C7orf78: variants seen among roughly 807,000 people sequenced by gnomAD.
The protein encoded by C7orf78 is chromosome 7 open reading frame 78, also known as putative uncharacterized protein C7orf78.
the C7orf78 span, among the ~76,000 whole-genome samples, chr7:12,503,203 T>C: frequency 7.2e-6 from 1 of 137,978 alleles, no homozygotes; most frequent in Non-Finnish European, 1.6e-5. Context: ...CTGCACAATG[T>C]GCACATGTAC....
the C7orf78 span, among the ~76,000 whole-genome samples, chr7:12,501,463 A>G: frequency 6.6e-6 from 1 of 152,250 alleles, no homozygotes; most frequent in East Asian, 1.9e-4. Context: ...CTAAATCATG[A>G]GTGGAATCCC....
the C7orf78 span, among the ~76,000 whole-genome samples, chr7:12,512,865 G>A: frequency 6.6e-5 from 10 of 152,046 alleles, no homozygotes; most frequent in Non-Finnish European, 1.5e-4. Context: ...TTATTAGTCT[G>A]TTCAGGTTTT....
At chr7:12,484,852 ATT>A in the C7orf78 span, among the ~76,000 whole-genome samples, 6 of 151,168 alleles carry the variant, frequency 4.0e-5, no homozygotes, top group South Asian at 2.1e-4. Context: ...AGTTGCAATA[ATT>A]TTTTTTTTAA....
chr7:12,523,981 T>C, the C7orf78 span, among the ~76,000 whole-genome samples: 10 of 152,212 alleles, frequency 6.6e-5, no homozygotes, highest in Non-Finnish European at 1.5e-5. Context: ...AATGTGAATA[T>C]ATTCTGTTCT....
At chr7:12,509,097 C>G in the C7orf78 span, among the ~76,000 whole-genome samples, 3 of 152,202 alleles carry the variant, frequency 2.0e-5, no homozygotes, top group Admixed American at 1.3e-4. Flanking sequence ...CACGAGATCA[C>G]TCACTGGTGC....
the C7orf78 span, among the ~76,000 whole-genome samples, chr7:12,485,143 A>G: frequency 1.4e-3 from 110 of 80,130 alleles, no homozygotes; most frequent in African/African-American, 5.1e-3. Flanking sequence ...TTCAGTAGAC[A>G]TTATGCTATC....
chr7:12,511,466 G>C, the C7orf78 span, among the ~76,000 whole-genome samples: 1 of 152,270 alleles, frequency 6.6e-6, no homozygotes, highest in East Asian at 1.9e-4. Flanking sequence ...GCTTTGGCTA[G>C]TGTGGTCATT....
At chr7:12,530,311 G>C in the C7orf78 span, 1 of 152,176 alleles carries the variant, frequency 6.6e-6, no homozygotes. Context: ...CTGCAAAAGA[G>C]AGACAGCTTT....
the C7orf78 span, chr7:12,530,481 C>G: frequency 1.3e-5 from 2 of 152,076 alleles, no homozygotes; most frequent in African/African-American, 4.8e-5. Flanking sequence ...GTCTTAAGAT[C>G]TCTGTTTTAA....
At chr7:12,495,921 CA>C in the C7orf78 span, among the ~76,000 whole-genome samples, 267 of 150,476 alleles carry the variant, frequency 1.8e-3, 1 homozygote, top group African/African-American at 5.8e-3. Context: ...CTGAGAAACT[CA>C]AAAAAAATTT....
At chr7:12,487,272 G>A in the C7orf78 span, among the ~76,000 whole-genome samples, 1 of 151,926 alleles carries the variant, frequency 6.6e-6, no homozygotes, top group African/African-American at 2.4e-5. Flanking sequence ...TAGAAACTTG[G>A]GAAGAGAAGT....
the C7orf78 span, among the ~76,000 whole-genome samples, chr7:12,504,049 G>A: frequency 6.6e-6 from 1 of 152,168 alleles, no homozygotes; most frequent in African/African-American, 2.4e-5. Flanking sequence ...GTCCTTTGAA[G>A]AAATTAAGTC....
At chr7:12,523,047 A>G in the C7orf78 span, 1 of 398,404 alleles carries the variant, frequency 2.5e-6, no homozygotes. Context: ...GATATTGCAA[A>G]GAGGCTGCAA....
chr7:12,509,116 T>C, the C7orf78 span, among the ~76,000 whole-genome samples: 3 of 152,192 alleles, frequency 2.0e-5, no homozygotes, highest in African/African-American at 7.2e-5. Context: ...GCCAAAAAGA[T>C]TGGGGACTGC....
At chr7:12,532,271 C>T in the C7orf78 span, among the ~76,000 whole-genome samples, 242 of 152,138 alleles carry the variant, frequency 1.6e-3, 1 homozygote, top group South Asian at 0.011. Context: ...AAAACCTGGC[C>T]GGGCATGGTG....
chr7:12,497,972 A>G, the C7orf78 span, among the ~76,000 whole-genome samples: 2 of 152,066 alleles, frequency 1.3e-5, no homozygotes, highest in African/African-American at 4.8e-5. Flanking sequence ...CAGCAGGGGC[A>G]CACTGACACC....
the C7orf78 span, among the ~76,000 whole-genome samples, chr7:12,514,549 A>T: frequency 6.6e-6 from 1 of 151,888 alleles, no homozygotes; most frequent in African/African-American, 2.4e-5. Flanking sequence ...CAAGGTTATT[A>T]TTGATTTTTG....
the C7orf78 span, among the ~76,000 whole-genome samples, chr7:12,488,915 T>G: frequency 7.0e-6 from 1 of 142,772 alleles, no homozygotes; most frequent in Non-Finnish European, 1.6e-5. Flanking sequence ...TTTGATTGGT[T>G]TTTTTTTTTT....
At chr7:12,519,256 T>G in the C7orf78 span, among the ~76,000 whole-genome samples, 19 of 152,182 alleles carry the variant, frequency 1.2e-4, no homozygotes, top group African/African-American at 4.3e-4. Context: ...CCTCTGTGAG[T>G]GAGCTTTAAC....
Sources: gnomAD v4.1 joint callset for allele counts (sites outside exome capture counted in the v4.1 genomes callset) on GRCh38, gnomAD v4.1.1 for gene constraint, MANE v1.5 for transcripts, NCBI Gene and HGNC (gene_info 2026-07-23, HGNC 2026-07-21) for gene names.